The following NID2 variants were observed in gnomAD, a reference collection of about 807,000 sequenced individuals.
The protein encoded by NID2 is nidogen 2.
In NID2, 83 loss-of-function variants were observed where a neutral mutation model predicts 145.4. That is an observed-to-expected ratio of 0.57 (90% confidence interval 0.48 to 0.69). The LOEUF (loss-of-function observed/expected upper bound fraction) is 0.69, where lower values mean the gene tolerates loss of function less well. Ranked by LOEUF, NID2 falls within the 30% of genes least tolerant of loss-of-function variation. NID2 has a pLI of 0.00. For synonymous variants in NID2, 739 were observed against 701.3 expected (o/e 1.05, Z -0.85); for missense variants, 1,807 against 1,765.7 (o/e 1.02, Z -0.42).
chr14:52,065,669 C>A (rs1435500556), intron 2 of NID2, among the ~76,000 whole-genome samples: 9 of 95,048 alleles, frequency 9.5e-5, no homozygotes, highest in East Asian at 3.6e-4. Context: ...CCAACCCCAC[C>A]ACAGTCCCCA....
At chr14:52,009,812 C>T (rs1170591910) in intron 18 of NID2, 1 of 152,268 alleles carries the variant, frequency 6.6e-6, no homozygotes, top group Non-Finnish European at 1.5e-5. Context: ...AATGGCGAAA[C>T]CCTGTCTCGA....
chr14:52,019,299 C>CA lies in NID2; in HGVS notation c.2795-6dup. 14 of 1,575,598 alleles carry CA rather than the reference C, an allele frequency of 8.9e-6. No individual in the cohort carries two copies. Among genetic ancestry groups the CA allele is most frequent in the Non-Finnish European group, 1.2e-5 (14 of 1,152,870 alleles). ...GTGTCAGGCTTGAGGTGGAGTCTTCCAGGATCAAGGCAGAGGAAGACACAA... is the reference window on the plus strand; with the variant it reads ...GTGTCAGGCTTGAGGTGGAGTCTTCCAAGGATCAAGGCAGAGGAAGACACAA... On this transcript the variant is annotated splice_region_variant and splice_polypyrimidine_tract_variant and intron_variant, in intron 13 of 21. Coordinates refer to ENST00000216286, the MANE Select transcript of NID2 (RefSeq NM_007361.4).
In NID2 at chr14:52,069,028, C is replaced by T. The variant is rs376853808; in HGVS notation, c.-34G>A. Reference sequence around the variant, plus strand: ...GGCCGTGCGCTTACCCGCTGCACAACGCGTCCCGCCCCGGCCTCCAGCCCA... The same window carrying T: ...GGCCGTGCGCTTACCCGCTGCACAATGCGTCCCGCCCCGGCCTCCAGCCCA... On this transcript the variant is annotated 5_prime_UTR_variant, in exon 1 of 22. Transcript: ENST00000216286. 5.9e-6 allele frequency: 9 copies of T among 1,527,580 alleles called. No individual in the cohort carries two copies. The highest frequency in any genetic ancestry group is 7.2e-6 in the Non-Finnish European group (8 of 1,117,952). 94.6% of individuals were successfully genotyped at this position (1,527,580 alleles called of 1,614,324 possible). A position where few individuals can be genotyped will look rare whatever the true frequency, so the allele number is the denominator to read the frequency against.
chr14:52,068,954 G>C lies in NID2; in HGVS notation c.41C>G (p.Ser14Trp). The change falls in exon 1 of 22, where the codon TCG (serine) becomes TGG (tryptophan). Residue 14 changes from serine (S) to tryptophan (W), a missense_variant. Coordinates refer to ENST00000216286, the MANE Select transcript of NID2 (RefSeq NM_007361.4). The stretch of plus-strand genomic sequence containing the variant: ...CGGCAGCAGCAGTAGCACTGGTAAC[G>C]ACGACAGCACCGGCCGCCCGGCCAC... ...DRVAGRPVLS[S>W]LPVLLLLPLL... 6.2e-7 allele frequency: 1 copy of C among 1,613,506 alleles called. No individual in the cohort carries two copies. The highest frequency in any genetic ancestry group is 8.5e-7 in the Non-Finnish European group (1 of 1,179,926).
rs1436935093 is a variant in NID2 at position 52,030,628 on chromosome 14, GAAAGAA to G, written c.2258-944_2258-939del. Among the ~76,000 whole-genome samples the G allele has an allele frequency of 6.9e-5, 10 of 145,510 alleles. 2 individuals carry two copies. The highest frequency in any genetic ancestry group is 2.3e-4 in the African/African-American group (9 of 39,204). ...AAAGAGAAAGAAAAAGAAAGAAAGAGAAAGAAAGAGAAAGAAAAAGAGAAAGAAAGA... is the reference window on the plus strand; with the variant it reads ...AAAGAGAAAGAAAAAGAAAGAAAGAGAGAGAAAGAAAAAGAGAAAGAAAGA... On this transcript the variant is annotated intron_variant, in intron 9 of 21. Coordinates refer to ENST00000216286, the MANE Select transcript of NID2 (RefSeq NM_007361.4).
chr14:52,020,334 T>TA, intron 12 of NID2, 156 bp from the exon 13 acceptor site: 1 of 1,253,390 alleles, frequency 8.0e-7, no homozygotes, highest in South Asian at 1.5e-5. Context: ...TGCTGACACC[T>TA]AAAGGTAAGC....
chr14:52,012,468 C>T (rs767052403), intron 16 of NID2, among the ~76,000 whole-genome samples: 14 of 152,126 alleles, frequency 9.2e-5, no homozygotes, highest in Admixed American at 1.3e-4. Context: ...CATGGTGGCA[C>T]GCACCTGTAG....
intron 1 of NID2, 49 bp from the exon 2 acceptor site, chr14:52,068,212 C>T (rs781101381): frequency 4.5e-6 from 7 of 1,563,128 alleles, no homozygotes; most frequent in South Asian, 2.3e-5. Flanking sequence ...AGCCCAAGGA[C>T]GCTACCCTTT....
intron 6 of NID2, 136 bp from the exon 7 acceptor site, chr14:52,042,486 A>T: frequency 1.8e-6 from 2 of 1,138,568 alleles, no homozygotes; most frequent in Non-Finnish European, 1.2e-6. Context: ...TAACCAACCA[A>T]TTATCCATCT....
intron 9 of NID2, among the ~76,000 whole-genome samples, chr14:52,033,312 G>A (rs1352834005): frequency 6.6e-6 from 1 of 152,076 alleles, no homozygotes; most frequent in Non-Finnish European, 1.5e-5. Flanking sequence ...CCTCTGCCCA[G>A]AGCCTCCTCA....
Position 52,069,040 on chromosome 14 carries a change from C to G in NID2, c.-46G>C. 6.8e-7 allele frequency: 1 copy of G among 1,474,196 alleles called. No individual in the cohort carries two copies. The highest frequency in any genetic ancestry group is 1.2e-5 in the South Asian group (1 of 82,338). The allele number at this position is 1,474,196 out of a possible 1,614,324, so 91.3% of individuals were successfully genotyped here. A position where few individuals can be genotyped will look rare whatever the true frequency, so the allele number is the denominator to read the frequency against. On this transcript the variant is annotated 5_prime_UTR_variant, in exon 1 of 22. Coordinates refer to ENST00000216286, the MANE Select transcript of NID2 (RefSeq NM_007361.4). ...ACCCGCTGCACAACGCGTCCCGCCCCGGCCTCCAGCCCACTCTCCGCGCCG... is the reference window on the plus strand; with the variant it reads ...ACCCGCTGCACAACGCGTCCCGCCCGGGCCTCCAGCCCACTCTCCGCGCCG...
chr14:52,035,884 T>TA (rs1271248655), intron 9 of NID2, among the ~76,000 whole-genome samples: 34 of 21,732 alleles, frequency 1.6e-3, no homozygotes, highest in Admixed American at 5.4e-3. Context: ...ATATATGTTT[T>TA]ATTTTGTAGA....
chr14:52,065,894 C>T (rs1893186340), intron 2 of NID2, among the ~76,000 whole-genome samples: 1 of 142,388 alleles, frequency 7.0e-6, no homozygotes, highest in Admixed American at 7.2e-5. Flanking sequence ...TTTCTTAATC[C>T]AGTCTATCAT....
rs1402840614 is a variant in NID2 at position 52,060,374 on chromosome 14, A to G, written c.535-18T>C. On this transcript the variant is annotated intron_variant, in intron 2 of 21. Transcript: ENST00000216286. ...GTGTTCAGCTGTGAGGAAAAAAAAA[A>G]AAAAAGAGAGAGAGAGAGAGAGAAA... 6 of 1,259,108 alleles carry G rather than the reference A, an allele frequency of 4.8e-6. No individual in the cohort carries two copies. Among genetic ancestry groups the G allele is most frequent in the Middle Eastern group, 2.4e-4 (1 of 4,188 alleles). 78.0% of individuals were successfully genotyped at this position (1,259,108 alleles called of 1,614,324 possible). A position where few individuals can be genotyped will look rare whatever the true frequency, so the allele number is the denominator to read the frequency against.
chr14:52,010,243 A>G (rs1344133913), intron 18 of NID2: 1 of 152,250 alleles, frequency 6.6e-6, no homozygotes, highest in African/African-American at 2.4e-5. Context: ...TTTGAAGGGC[A>G]TCTGGGAATT....
rs1339485969 is a variant in NID2 at position 52,005,514 on chromosome 14, G to A, written c.4118-18C>T. 4 of 1,593,888 alleles carry A rather than the reference G, an allele frequency of 2.5e-6. No individual in the cohort carries two copies. In the African/African-American group the frequency reaches 4.1e-5, roughly 16 times the overall value. On this transcript the variant is annotated intron_variant, in intron 21 of 21. Transcript: ENST00000216286. The stretch of plus-strand genomic sequence containing the variant: ...CTTTCTTCCTGTGAGAGAAGAGCAG[G>A]GGTGGGACAGGGTGGTGGGTGAGTA...
At chr14:52,027,378 T>A (rs1226291112) in intron 11 of NID2, 34 bp from the exon 12 acceptor site, 1 of 1,481,530 alleles carries the variant, frequency 6.7e-7, no homozygotes, top group Non-Finnish European at 9.0e-7. Flanking sequence ...CATCCAGAGT[T>A]TAGGCCTGCA....
intron 2 of NID2, among the ~76,000 whole-genome samples, chr14:52,064,419 A>G (rs1451318346): frequency 2.6e-5 from 4 of 152,244 alleles, no homozygotes; most frequent in Non-Finnish European, 5.9e-5. Context: ...ACGGTATCAC[A>G]TGGCGACAAA....
rs746918916 is a variant in NID2 at position 52,027,223 on chromosome 14, G to A, written c.2652C>T (p.Ala884=). The A allele has an allele frequency of 1.4e-5, 22 of 1,563,154 alleles. No individual in the cohort carries two copies. Among genetic ancestry groups the A allele is most frequent in the African/African-American group, 5.6e-5 (4 of 71,902 alleles). The change falls in exon 12 of 22, where the codon GCC becomes GCT. Residue 884 remains alanine, a synonymous_variant. Coordinates refer to ENST00000216286, the MANE Select transcript of NID2 (RefSeq NM_007361.4). ...CACCAGTGCACTGGTGCCCATCGCC[G>A]GCATAACCAGGCAGGCAGGCACAGC... ...TFSCACLPGY[A]GDGHQCTDVD...
Sources: gnomAD v4.1 joint callset for allele counts (sites outside exome capture counted in the v4.1 genomes callset) on GRCh38, gnomAD v4.1.1 for gene constraint, MANE v1.5 for transcripts, NCBI Gene and HGNC (gene_info 2026-07-23, HGNC 2026-07-21) for gene names.